Variants in DPP6 observed in about 807,000 individuals in gnomAD.
DPP6 encodes A-type potassium channel modulatory protein DPP6.
In DPP6, 69 loss-of-function variants were observed where a neutral mutation model predicts 122.6. The observed-to-expected ratio is 0.56, with a 90% confidence interval of 0.46 to 0.69. The LOEUF (loss-of-function observed/expected upper bound fraction) is 0.69, where lower values mean the gene tolerates loss of function less well. Among genes scored for constraint, DPP6 ranks in the 30% least tolerant of loss-of-function variants. The pLI is 0.00. For missense variants in DPP6, 928 were observed against 1,116.9 expected (o/e 0.83, Z 2.41); for synonymous variants, 418 against 433.1 (o/e 0.97, Z 0.43).
intron 4 of DPP6, among the ~76,000 whole-genome samples, chr7:154,547,448 G>A (rs1829287771): frequency 6.6e-6 from 1 of 152,158 alleles, no homozygotes; most frequent in African/African-American, 2.4e-5. Context: ...TGCTCACAGA[G>A]AGCAAAATTT....
intron 1 of DPP6, among the ~76,000 whole-genome samples, chr7:154,145,198 T>G (rs1796028634): frequency 6.6e-6 from 1 of 152,112 alleles, no homozygotes; most frequent in African/African-American, 2.4e-5. Context: ...CACATGAGCC[T>G]TGCTTTTAGA....
intron 11 of DPP6, among the ~76,000 whole-genome samples, chr7:154,794,999 C>G (rs1001467835): frequency 3.3e-5 from 5 of 152,110 alleles, no homozygotes; most frequent in African/African-American, 1.2e-4. Flanking sequence ...TGCCTGAGAT[C>G]CTAAGCACAG....
intron 6 of DPP6, among the ~76,000 whole-genome samples, chr7:154,663,657 C>G (rs1586840255): frequency 2.1e-5 from 1 of 48,204 alleles, no homozygotes; most frequent in African/African-American, 4.0e-5. Context: ...GCATATTGGC[C>G]ATAGCGTTCA....
intron 16 of DPP6, 127 bp from the exon 17 acceptor site, chr7:154,853,653 A>G: frequency 7.5e-7 from 1 of 1,332,166 alleles, no homozygotes; most frequent in Admixed American, 2.5e-5. Flanking sequence ...TTACTCTTGC[A>G]TGAATTCGGG....
At chr7:154,777,203 C>T (rs1264685212) in intron 10 of DPP6, among the ~76,000 whole-genome samples, 1 of 152,156 alleles carries the variant, frequency 6.6e-6, no homozygotes, top group East Asian at 1.9e-4. Context: ...TTCCAAGAGG[C>T]CTGGACAGCT....
intron 5 of DPP6, among the ~76,000 whole-genome samples, chr7:154,619,393 A>G (rs1358299705): frequency 6.6e-6 from 1 of 152,194 alleles, no homozygotes; most frequent in African/African-American, 2.4e-5. Context: ...TGAGCTACTT[A>G]TATCTTTTCA....
At chr7:154,565,826 A>T (rs1830712478) in intron 4 of DPP6, among the ~76,000 whole-genome samples, 1 of 152,062 alleles carries the variant, frequency 6.6e-6, no homozygotes, top group Non-Finnish European at 1.5e-5. Context: ...CGCCCAGCCA[A>T]TGTGATGTCA....
rs1005552535 is a variant in DPP6 at position 154,872,701 on chromosome 7, T to C, written c.1883+8T>C. On this transcript the variant is annotated splice_region_variant and intron_variant, in intron 19 of 25. Coordinates refer to ENST00000377770, the MANE Select transcript of DPP6 (RefSeq NM_130797.4). Reference sequence around the variant, plus strand: ...CCCTCTGCTCCTGGTGGTGTAAGTATCGTCACATCTGTCTTTCCCTGGTGC... The same window carrying C: ...CCCTCTGCTCCTGGTGGTGTAAGTACCGTCACATCTGTCTTTCCCTGGTGC... The C allele has an allele frequency of 6.3e-7, 1 of 1,589,660 alleles. No homozygotes were observed. Among genetic ancestry groups the C allele is most frequent in the Non-Finnish European group, 8.6e-7 (1 of 1,167,930 alleles).
chr7:154,061,470 T>C (rs1434933332), intron 1 of DPP6, among the ~76,000 whole-genome samples: 2 of 147,002 alleles, frequency 1.4e-5, no homozygotes, highest in African/African-American at 5.0e-5. Context: ...ATGGCCCCCC[T>C]ATTAGAGGGC....
At position 154,503,489 on chromosome 7, in the gene DPP6, A is replaced by G. The variant is rs954801288; in HGVS notation, c.457+28452A>G. On this transcript the variant is annotated intron_variant, in intron 3 of 25. Coordinates refer to ENST00000377770, the MANE Select transcript of DPP6 (RefSeq NM_130797.4). Reference sequence around the variant, plus strand: ...AGGCAAGGTGGGCTCTCTTGACTGAAAGCACTCTGGGAACACACAATTTTG... The same window carrying G: ...AGGCAAGGTGGGCTCTCTTGACTGAGAGCACTCTGGGAACACACAATTTTG... Among the ~76,000 whole-genome samples, 5 of 152,236 alleles carry G rather than the reference A, an allele frequency of 3.3e-5. No individual in the cohort carries two copies. The South Asian group carries it at 1.0e-3, about 31-fold the overall frequency.
At chr7:154,255,710 C>T (rs1802615052) in intron 1 of DPP6, among the ~76,000 whole-genome samples, 1 of 152,204 alleles carries the variant, frequency 6.6e-6, no homozygotes, top group Admixed American at 6.5e-5. Context: ...AGAACAGAAA[C>T]TAGATGTTTC....
At chr7:154,075,071 G>C (rs539019425) in intron 1 of DPP6, among the ~76,000 whole-genome samples, 248 of 152,108 alleles carry the variant, frequency 1.6e-3, no homozygotes, top group African/African-American at 5.9e-3. Flanking sequence ...CCTCAGTAAT[G>C]ATCAGGGAAA....
intron 16 of DPP6, among the ~76,000 whole-genome samples, chr7:154,822,326 G>A (rs893636419): frequency 6.6e-6 from 1 of 152,180 alleles, no homozygotes; most frequent in Non-Finnish European, 1.5e-5. Context: ...AAGGCAACTC[G>A]GTGTCTGGTG....
intron 1 of DPP6, among the ~76,000 whole-genome samples, chr7:154,376,522 CTAGAA>C (rs1455017656): frequency 5.9e-5 from 9 of 152,164 alleles, no homozygotes; most frequent in Non-Finnish European, 2.9e-5. Flanking sequence ...GATTTGAAAT[CTAGAA>C]GCTCTGCTAA....
chr7:154,815,665 A>C (rs1799378946), intron 16 of DPP6, among the ~76,000 whole-genome samples: 1 of 152,242 alleles, frequency 6.6e-6, no homozygotes, highest in African/African-American at 2.4e-5. Flanking sequence ...AAATAGCTAA[A>C]TAAACTTCCT....
At chr7:154,478,976 T>C (rs1822996068) in intron 3 of DPP6, among the ~76,000 whole-genome samples, 1 of 152,228 alleles carries the variant, frequency 6.6e-6, no homozygotes, top group Admixed American at 6.5e-5. Flanking sequence ...GTTTGTTTTT[T>C]AGTACACATT....
At chr7:153,980,671 C>T (rs183917295) in intron 1 of DPP6, among the ~76,000 whole-genome samples, 1 of 152,150 alleles carries the variant, frequency 6.6e-6, no homozygotes, top group African/African-American at 2.4e-5. Flanking sequence ...CTTGCTTTCT[C>T]ATGTGGGTGT....
At chr7:153,982,560 T>C (rs1796640531) in intron 1 of DPP6, among the ~76,000 whole-genome samples, 1 of 152,074 alleles carries the variant, frequency 6.6e-6, no homozygotes, top group African/African-American at 2.4e-5. Context: ...GTCAAACTCA[T>C]TCTCCATCCA....
At chr7:154,201,181 G>T (rs1799154738) in intron 1 of DPP6, among the ~76,000 whole-genome samples, 1 of 151,692 alleles carries the variant, frequency 6.6e-6, no homozygotes, top group Non-Finnish European at 1.5e-5. Flanking sequence ...AGGCTGGAAT[G>T]CAGTGGTGCG....
Sources: gnomAD v4.1 joint callset for allele counts (sites outside exome capture counted in the v4.1 genomes callset) on GRCh38, gnomAD v4.1.1 for gene constraint, MANE v1.5 for transcripts, NCBI Gene and HGNC (gene_info 2026-07-23, HGNC 2026-07-21) for gene names.